The following BNC2 variants were observed in gnomAD, a reference collection of about 807,000 sequenced individuals.
BNC2 encodes zinc finger protein basonuclin-2.
In BNC2, 20 loss-of-function variants were observed where a neutral mutation model predicts 76.3. That is an observed-to-expected ratio of 0.26 (90% CI 0.18 to 0.38). The LOEUF (loss-of-function observed/expected upper bound fraction) is 0.38. Ranked by LOEUF, BNC2 falls within the 10% of genes least tolerant of loss-of-function variation. BNC2 has a pLI of 1.00. For synonymous variants in BNC2, 582 were observed against 514.8 expected (o/e 1.13, Z -1.77); for missense variants, 1,382 against 1,399.8 (o/e 0.99, Z 0.20).
intron 5 of BNC2, among the ~76,000 whole-genome samples, chr9:16,515,630 G>A (rs1426003805): frequency 6.6e-6 from 1 of 151,122 alleles, no homozygotes; most frequent in Non-Finnish European, 1.5e-5. Flanking sequence ...GCAATGATGT[G>A]GTCGAAAAAA....
intron 1 of BNC2, among the ~76,000 whole-genome samples, chr9:16,766,404 G>C (rs1197599575): frequency 6.6e-6 from 1 of 151,986 alleles, no homozygotes; most frequent in East Asian, 1.9e-4. Flanking sequence ...CTGATTTTCA[G>C]GATGCTTAAA....
chr9:16,454,084 T>C (rs1260767288), intron 5 of BNC2, among the ~76,000 whole-genome samples: 1 of 152,184 alleles, frequency 6.6e-6, no homozygotes, highest in Non-Finnish European at 1.5e-5. Flanking sequence ...TATCAAATGT[T>C]ATCTCTCTCT....
chr9:16,600,323 T>C (rs963741812), intron 3 of BNC2, among the ~76,000 whole-genome samples: 2 of 152,228 alleles, frequency 1.3e-5, no homozygotes, highest in Admixed American at 6.5e-5. Context: ...CTTTAATACT[T>C]TGATCATATC....
intron 5 of BNC2, among the ~76,000 whole-genome samples, chr9:16,531,662 T>A (rs1224888987): frequency 5.3e-5 from 8 of 152,148 alleles, no homozygotes; most frequent in Admixed American, 5.2e-4. Flanking sequence ...TTATGACAGT[T>A]AACATTATTT....
intron 5 of BNC2, among the ~76,000 whole-genome samples, chr9:16,483,464 G>A (rs1253376305): frequency 2.0e-5 from 3 of 152,174 alleles, no homozygotes; most frequent in African/African-American, 7.2e-5. Flanking sequence ...ACAAGACCAT[G>A]TCCAGGTTTC....
chr9:16,803,210 G>T (rs1281267473), intron 1 of BNC2, among the ~76,000 whole-genome samples: 1 of 152,204 alleles, frequency 6.6e-6, no homozygotes, highest in African/African-American at 2.4e-5. Flanking sequence ...ATTGTGAAAT[G>T]CTGCCATTTC....
intron 5 of BNC2, among the ~76,000 whole-genome samples, chr9:16,447,255 A>T (rs571693420): frequency 6.6e-6 from 1 of 152,132 alleles, no homozygotes; most frequent in Non-Finnish European, 1.5e-5. Context: ...CTTTAGGCTA[A>T]AGCAGATTTT....
At chr9:16,604,778 G>C (rs552582689) in intron 3 of BNC2, among the ~76,000 whole-genome samples, 1 of 152,016 alleles carries the variant, frequency 6.6e-6, no homozygotes, top group East Asian at 1.9e-4. Flanking sequence ...ACTCCAGCCT[G>C]GGCAACAGAG....
intron 3 of BNC2, among the ~76,000 whole-genome samples, chr9:16,694,563 C>T (rs563759202): frequency 1.8e-4 from 27 of 152,256 alleles, no homozygotes; most frequent in African/African-American, 2.6e-4. Flanking sequence ...AGAGGAATTC[C>T]GGCTGCTCTA....
chr9:16,861,081 C>A (rs1819395093), intron 1 of BNC2, among the ~76,000 whole-genome samples: 1 of 151,154 alleles, frequency 6.6e-6, no homozygotes, highest in South Asian at 2.1e-4. Context: ...GTGGCTTATG[C>A]CTGTAATCCC....
At chr9:16,845,518 G>C (rs12344890) in intron 1 of BNC2, among the ~76,000 whole-genome samples, 2 of 151,686 alleles carry the variant, frequency 1.3e-5, no homozygotes, top group Non-Finnish European at 2.9e-5. Flanking sequence ...TCAGGAGATC[G>C]AGACCATCCT....
At chr9:16,512,596 T>A (rs951464768) in intron 5 of BNC2, among the ~76,000 whole-genome samples, 1 of 152,228 alleles carries the variant, frequency 6.6e-6, no homozygotes, top group Non-Finnish European at 1.5e-5. Flanking sequence ...AAAACTACTT[T>A]GTTGTTTTAC....
At chr9:16,700,467 C>T (rs143499754) in intron 3 of BNC2, among the ~76,000 whole-genome samples, 54 of 152,220 alleles carry the variant, frequency 3.5e-4, no homozygotes, top group Admixed American at 3.0e-3. Context: ...GCTATGATCA[C>T]ACCACTGCAC....
chr9:16,445,493 T>A (rs569025647), intron 5 of BNC2, among the ~76,000 whole-genome samples: 1 of 146,214 alleles, frequency 6.8e-6, no homozygotes, highest in East Asian at 2.0e-4. Context: ...AAATTAGAAC[T>A]TTTTTTTTTT....
intron 1 of BNC2, among the ~76,000 whole-genome samples, chr9:16,827,399 A>G (rs1439277921): frequency 1.3e-5 from 2 of 152,194 alleles, no homozygotes; most frequent in Non-Finnish European, 2.9e-5. Flanking sequence ...AGTGGGACCC[A>G]CTGAACAGGA....
intron 1 of BNC2, among the ~76,000 whole-genome samples, chr9:16,858,615 C>T (rs929504127): frequency 2.0e-5 from 3 of 151,974 alleles, no homozygotes; most frequent in Non-Finnish European, 2.9e-5. Context: ...GAGGCCGAGG[C>T]GGGTGGATCA....
chr9:16,462,590 G>A (rs1360408101), intron 5 of BNC2, among the ~76,000 whole-genome samples: 1 of 152,126 alleles, frequency 6.6e-6, no homozygotes, highest in East Asian at 1.9e-4. Flanking sequence ...AATGGAAAGT[G>A]GCAAAGGCAC....
At chr9:16,541,550 G>A (rs1311070710) in intron 5 of BNC2, among the ~76,000 whole-genome samples, 1 of 152,198 alleles carries the variant, frequency 6.6e-6, no homozygotes, top group Non-Finnish European at 1.5e-5. Flanking sequence ...TGGCAGAGAT[G>A]ACAGCACAGA....
At chr9:16,844,722 C>A (rs1356174676) in intron 1 of BNC2, among the ~76,000 whole-genome samples, 2 of 152,144 alleles carry the variant, frequency 1.3e-5, no homozygotes, top group Admixed American at 1.3e-4. Flanking sequence ...TGGTCTCGGA[C>A]TCCTTACCTC....
Sources: allele counts gnomAD v4.1 joint callset (sites outside exome capture counted in the v4.1 genomes callset), GRCh38; gene constraint gnomAD v4.1.1; transcripts MANE v1.5; gene names NCBI Gene and HGNC (gene_info 2026-07-23, HGNC 2026-07-21).